Variants in HSP90AA1 observed in about 807,000 individuals in gnomAD.
HSP90AA1 encodes the protein heat shock protein 90 alpha family class A member 1.
Under a neutral mutation model 73.3 loss-of-function variants are expected in HSP90AA1, and 18 were observed. That is an observed-to-expected ratio of 0.25 (90% confidence interval 0.17 to 0.36). HSP90AA1 has a LOEUF of 0.36. Ranked by LOEUF, HSP90AA1 falls within the 10% of genes least tolerant of loss-of-function variation. HSP90AA1 has a pLI of 1.00. For synonymous variants in HSP90AA1, 477 were observed against 296.9 expected, an observed-to-expected ratio of 1.61 and a Z score of -6.24; for missense variants, 704 against 874.2, an observed-to-expected ratio of 0.81 and a Z score of 2.45.
At chr14:102,118,062 C>A (rs534345794) in intron 1 of HSP90AA1, among the ~76,000 whole-genome samples, 2 of 152,184 alleles carry the variant, frequency 1.3e-5, no homozygotes, top group East Asian at 3.9e-4. Context: ...CTGGACTCCA[C>A]GCTCGTTCAT....
intron 2 of HSP90AA1, among the ~76,000 whole-genome samples, chr14:102,099,619 C>A (rs539662660): frequency 6.6e-6 from 1 of 152,334 alleles, no homozygotes; most frequent in African/African-American, 2.4e-5. Flanking sequence ...AACATTCAAT[C>A]TTGTTCCCCA....
At chr14:102,107,331 T>A (rs559767279) in intron 1 of HSP90AA1, among the ~76,000 whole-genome samples, 1 of 151,782 alleles carries the variant, frequency 6.6e-6, no homozygotes, top group Non-Finnish European at 1.5e-5. Flanking sequence ...TTTTTTGGTT[T>A]GTTTGTTTTT....
At position 102,084,905 on chromosome 14, in the gene HSP90AA1, C is replaced by T. The variant is rs747145047; in HGVS notation, c.757G>A (p.Glu253Lys). The T allele has an allele frequency of 6.3e-7, 1 of 1,575,340 alleles. No individual in the cohort carries two copies. Among genetic ancestry groups the T allele is most frequent in the Non-Finnish European group, 8.7e-7 (1 of 1,145,396 alleles). ...EEKEKEEKESEDKPEIEDVGS... is the reference protein window; with the variant it reads ...EEKEKEEKESKDKPEIEDVGS... ...ACATCTTCAATTTCAGGTTTGTCTT[C>T]CGACTCTTTCTCTTCTTTTTCTTTT... Residue 253 changes from glutamate (E) to lysine (K), a missense_variant, in exon 5 of 11, where the codon GAA (glutamate) becomes AAA (lysine). Coordinates refer to ENST00000216281, the MANE Select transcript of HSP90AA1 (RefSeq NM_005348.4).
chr14:102,089,156 G>T (rs1248888396), upstream of HSP90AA1, among the ~76,000 whole-genome samples: 1 of 152,042 alleles, frequency 6.6e-6, no homozygotes, highest in South Asian at 2.1e-4. Context: ...CGTGACCTCA[G>T]GTGATCCGCC....
At chr14:102,132,571 A>G (rs1168142928) in intron 1 of HSP90AA1, among the ~76,000 whole-genome samples, 1 of 152,162 alleles carries the variant, frequency 6.6e-6, no homozygotes, top group African/African-American at 2.4e-5. Context: ...AAGAAAAAAA[A>G]TTGAGACAAC....
chr14:102,083,688 T>C lies in HSP90AA1; in HGVS notation c.1344A>G (p.Gly448=), dbSNP rs757923398. The C allele has an allele frequency of 7.1e-5, 115 of 1,610,832 alleles. 6 individuals are homozygous for C. In the South Asian group the frequency reaches 1.3e-3, roughly 18 times the overall value. ...TCCGATTTTGAGAGTCTTCGTGTATTCCAAGCTGAAACAAAGTATGTTCTT... is the reference window on the plus strand; with the variant it reads ...TCCGATTTTGAGAGTCTTCGTGTATCCCAAGCTGAAACAAAGTATGTTCTT... The part of the protein sequence containing the change: ...YEQFSKNIKL[G]IHEDSQNRKK... The change falls in exon 8 of 11, where the codon GGA becomes GGG. Residue 448 remains glycine (G), a synonymous_variant. Coordinates refer to ENST00000216281, the MANE Select transcript of HSP90AA1 (RefSeq NM_005348.4).
chr14:102,102,090 G>A (rs1312894230), intron 1 of HSP90AA1: 1 of 1,612,000 alleles, frequency 6.2e-7, no homozygotes, highest in Non-Finnish European at 8.5e-7. Flanking sequence ...GCCCTGCTGG[G>A]AACATAAACA....
upstream of HSP90AA1, chr14:102,087,194 C>T (rs558174507): frequency 2.0e-6 from 2 of 981,822 alleles, no homozygotes; most frequent in African/African-American, 3.5e-5. Flanking sequence ...CGCGGCACCC[C>T]GCCCCCGCGC....
intron 1 of HSP90AA1, among the ~76,000 whole-genome samples, chr14:102,106,570 A>T (rs2049570815): frequency 2.4e-5 from 3 of 123,508 alleles, no homozygotes; most frequent in Non-Finnish European, 4.7e-5. Flanking sequence ...TTTGAGACAG[A>T]GTCTCTCTCT....
chr14:102,135,044 A>C (rs1363102121), intron 1 of HSP90AA1, among the ~76,000 whole-genome samples: 1 of 152,224 alleles, frequency 6.6e-6, no homozygotes, highest in African/African-American at 2.4e-5. Flanking sequence ...CCACCAGAGC[A>C]GCTAGATACA....
At chr14:102,088,290 C>T (rs974180964), upstream of HSP90AA1, among the ~76,000 whole-genome samples, 4 of 152,188 alleles carry the variant, frequency 2.6e-5, no homozygotes, top group African/African-American at 4.8e-5. Context: ...TAGTCCATGT[C>T]CTCTTCCTCT....
At position 102,084,843 on chromosome 14, in the gene HSP90AA1, G is replaced by C. The variant is rs775040072; in HGVS notation, c.819C>G (p.Asp273Glu). ...CCTTAATCTTCTTCTTCTTCTTCTT[G>C]TCACCATCCTTCTTTTCTTCTTCCT... ...SDEEEEKKDG[D>E]KKKKKKIKEK... The change falls in exon 5 of 11, where the codon GAC (aspartate) becomes GAG (glutamate). Residue 273 changes from aspartate (D) to glutamate (E), a missense_variant. Asp to Glu is a conservative substitution (Grantham distance 45, BLOSUM62 2). Coordinates refer to ENST00000216281, the MANE Select transcript of HSP90AA1 (RefSeq NM_005348.4). The C allele has an allele frequency of 3.1e-6, 5 of 1,589,356 alleles. No homozygotes were observed. The highest frequency in any genetic ancestry group is 4.3e-6 in the Non-Finnish European group (5 of 1,157,822).
chr14:102,094,355 G>T (rs1042048242), intron 2 of HSP90AA1, among the ~76,000 whole-genome samples: 1 of 152,246 alleles, frequency 6.6e-6, no homozygotes, highest in African/African-American at 2.4e-5. Flanking sequence ...AAAAGCCCAT[G>T]TCCAGGCCCT....
intron 1 of HSP90AA1, among the ~76,000 whole-genome samples, chr14:102,121,026 C>CACACAT (rs1555364020): frequency 3.5e-4 from 51 of 144,106 alleles, no homozygotes; most frequent in African/African-American, 1.1e-3. Flanking sequence ...CACACATACA[C>CACACAT]ACACACACAC....
At chr14:102,126,332 AG>A (rs1312751636) in intron 1 of HSP90AA1, among the ~76,000 whole-genome samples, 2 of 152,224 alleles carry the variant, frequency 1.3e-5, no homozygotes, top group African/African-American at 4.8e-5. Flanking sequence ...CCAGGAAAAG[AG>A]AAAAACAAAA....
rs2152611755 is a variant in HSP90AA1, at chr14:102,084,839, T to A, written c.823A>T (p.Lys275Ter). 2 of 1,598,846 alleles carry A rather than the reference T, an allele frequency of 1.3e-6. No individual in the cohort carries two copies. Among genetic ancestry groups the A allele is most frequent in the Non-Finnish European group, 1.7e-6 (2 of 1,166,152 alleles). The change falls in exon 5 of 11, where the codon AAG becomes TAG. Residue 275 changes from lysine (K) to a stop codon, truncating the protein, a stop_gained. Transcript: ENST00000216281. LOFTEE classifies it high-confidence loss of function. ...EEEEKKDGDKKKKKKIKEKYI... is the reference protein window; with the variant it reads ...EEEEKKDGDK The stretch of plus-strand genomic sequence containing the variant: ...TTTTCCTTAATCTTCTTCTTCTTCT[T>A]CTTGTCACCATCCTTCTTTTCTTCT...
exon 1 of HSP90AA1, chr14:102,139,394 C>T: frequency 6.4e-7 from 1 of 1,572,908 alleles, no homozygotes; most frequent in South Asian, 1.1e-5. Context: ...CCCGCCCGAA[C>T]ACGGGGGCAT....
intron 1 of HSP90AA1, among the ~76,000 whole-genome samples, chr14:102,116,508 C>T (rs560375850): frequency 2.0e-5 from 3 of 152,188 alleles, no homozygotes; most frequent in Non-Finnish European, 2.9e-5. Flanking sequence ...CCCCTGTGCT[C>T]CACGTTCCCG....
At chr14:102,091,687 C>T (rs866103783), upstream of HSP90AA1, among the ~76,000 whole-genome samples, 1 of 151,874 alleles carries the variant, frequency 6.6e-6, no homozygotes, top group Non-Finnish European at 1.5e-5. Context: ...AGCACAGTGG[C>T]ACAAACATGG....
Sources: allele counts gnomAD v4.1 joint callset (sites outside exome capture counted in the v4.1 genomes callset), GRCh38; gene constraint gnomAD v4.1.1; transcripts MANE v1.5; gene names NCBI Gene and HGNC (gene_info 2026-07-23, HGNC 2026-07-21).